The following AP2A2 variants were observed in gnomAD, a reference collection of about 807,000 sequenced individuals.
The protein encoded by AP2A2 is AP-2 complex subunit alpha-2.
A neutral mutation model predicts 104.2 loss-of-function variants in AP2A2; 32 were observed. That is an observed-to-expected ratio of 0.31 (90% CI 0.23 to 0.41). AP2A2 has a LOEUF of 0.41. Among genes scored for constraint, AP2A2 ranks in the 10% least tolerant of loss-of-function variants. AP2A2 has a pLI of 1.00. For synonymous variants in AP2A2, 539 were observed against 533.3 expected, an observed-to-expected ratio of 1.01 and a Z score of -0.15; for missense variants, 912 against 1,261.0, an observed-to-expected ratio of 0.72 and a Z score of 4.19.
chr11:951,908 C>T (rs1252014576), intron 1 of AP2A2, among the ~76,000 whole-genome samples: 1 of 138,290 alleles, frequency 7.2e-6, no homozygotes, highest in Non-Finnish European at 1.6e-5. Flanking sequence ...ACCTTGTTGC[C>T]TAGGCTGGAG....
chr11:995,621 C>T (rs924877875), intron 14 of AP2A2, among the ~76,000 whole-genome samples: 2 of 151,394 alleles, frequency 1.3e-5, no homozygotes, highest in African/African-American at 2.4e-5. Context: ...TGGCGGGGAC[C>T]TGCTTATGTG....
chr11:952,779 C>G (rs1854095331), intron 1 of AP2A2, among the ~76,000 whole-genome samples: 1 of 152,208 alleles, frequency 6.6e-6, no homozygotes, highest in South Asian at 2.1e-4. Flanking sequence ...TTTACCCTTT[C>G]AGAATTCAGC....
At chr11:971,601 G>A (rs7124480) in intron 3 of AP2A2, among the ~76,000 whole-genome samples, 71,002 of 151,836 alleles carry the variant, frequency 0.47, 17,774 homozygotes, top group Middle Eastern at 0.65. Context: ...GGAGGGGGGC[G>A]GCATGAGGCT....
intron 15 of AP2A2, among the ~76,000 whole-genome samples, chr11:1,002,278 C>CG (rs1856053470): frequency 1.3e-5 from 2 of 152,224 alleles, no homozygotes; most frequent in South Asian, 4.1e-4. Flanking sequence ...AGCAGCGACC[C>CG]GGGGGTGCGG....
chr11:979,946 A>G (rs1855185519), intron 5 of AP2A2, among the ~76,000 whole-genome samples: 1 of 152,244 alleles, frequency 6.6e-6, no homozygotes, highest in African/African-American at 2.4e-5. Flanking sequence ...AAAAAAATTT[A>G]TGGGAGAATG....
intron 9 of AP2A2, among the ~76,000 whole-genome samples, chr11:987,554 C>G (rs774188232): frequency 2.0e-5 from 3 of 151,938 alleles, no homozygotes; most frequent in Non-Finnish European, 2.9e-5. Flanking sequence ...ACTCAGGAGG[C>G]TCAGGCAGAA....
intron 1 of AP2A2, among the ~76,000 whole-genome samples, chr11:931,515 G>C (rs947600556): frequency 6.6e-6 from 1 of 152,146 alleles, no homozygotes; most frequent in Non-Finnish European, 1.5e-5. Flanking sequence ...TTTTGAGACC[G>C]GTCAGTTTGC....
rs1856321833 is a variant in AP2A2 at position 1,009,401 on chromosome 11, A to G, written c.2607+4A>G. The G allele has an allele frequency of 7.4e-6, 12 of 1,612,098 alleles. No homozygotes were observed. Among genetic ancestry groups the G allele is most frequent in the Non-Finnish European group, 1.0e-5 (12 of 1,178,878 alleles). ...CACAGAAGTCACCAAAGCCAAGGTA[A>G]CACGTCTGGAGGGACGGCCCCGGGG... On this transcript the variant is annotated splice_donor_region_variant and intron_variant, in intron 20 of 21. Transcript: ENST00000448903.
Position 993,936 on chromosome 11 carries a change from G to A in AP2A2, c.1733G>A (p.Arg578His), listed in dbSNP as rs1855752694. 1.9e-6 allele frequency: 3 copies of A among 1,612,408 alleles called. No individual in the cohort carries two copies. The highest frequency in any genetic ancestry group is 1.7e-6 in the Non-Finnish European group (2 of 1,179,802). Residue 578 changes from arginine to histidine, a missense_variant, in exon 13 of 22, where the codon CGT (arginine) becomes CAT (histidine). By Grantham distance (29) the Arg-to-His change is conservative. Around this residue, in one of 7 missense-constraint regions of AP2A2, gnomAD observed 137 missense variants for 186.9 expected, o/e 0.73. Transcript: ENST00000448903. The surrounding 1 kb of genome is among the most constrained non-coding windows in gnomAD (Gnocchi z 8.2). ...AACGCAGACGTGGAGCTGCAGCAGC[G>A]TGCTGTGGAGTACCTGCGGCTCAGC... ...LRNADVELQQ[R>H]AVEYLRLSTV...
At chr11:996,815 C>T (rs115218575) in intron 14 of AP2A2, among the ~76,000 whole-genome samples, 4,659 of 143,080 alleles carry the variant, frequency 0.033, 231 homozygotes, top group African/African-American at 0.11. Context: ...TGTCTGTGGC[C>T]GAGGCACGCA....
chr11:959,863 G>T (rs1205512644), intron 2 of AP2A2, among the ~76,000 whole-genome samples: 1 of 152,226 alleles, frequency 6.6e-6, no homozygotes, highest in Non-Finnish European at 1.5e-5. Context: ...CGGTCAACAG[G>T]GACCTGACCT....
At position 986,800 on chromosome 11, in the gene AP2A2, C is replaced by A; in HGVS notation, c.978C>A (p.Leu326=). 1 of 1,613,274 alleles carries A rather than the reference C, an allele frequency of 6.2e-7. No homozygotes were observed. The highest frequency in any genetic ancestry group is 8.5e-7 in the Non-Finnish European group (1 of 1,179,814). ...CTCCACACAGTGAGCCGAACCTGCT[C>A]GTCCGTGCCTGCAACCAGTTGGGCC... is the stretch of plus-strand genomic sequence containing the variant. The part of the protein sequence containing the change: ...IIHHDSEPNL[L]VRACNQLGQF... Residue 326 remains leucine, a synonymous_variant, in exon 9 of 22, where the codon CTC becomes CTA. Coordinates refer to ENST00000448903, the MANE Select transcript of AP2A2 (RefSeq NM_012305.4).
intron 14 of AP2A2, among the ~76,000 whole-genome samples, chr11:999,803 CTTTTTTTTTTT>C: frequency 8.0e-6 from 1 of 124,720 alleles, no homozygotes; most frequent in Non-Finnish European, 1.7e-5. Context: ...TTAGTTCTTT[CTTTTTTTTTTT>C]TTTTTTTGAG....
rs759722121 is a variant in AP2A2, at chr11:1,011,239, C to A, written c.*614C>A. The A allele has an allele frequency of 1.9e-6, 1 of 519,360 alleles. No individual in the cohort carries two copies. Among genetic ancestry groups the A allele is most frequent in the South Asian group, 1.4e-5 (1 of 71,596 alleles). 32.2% of individuals were successfully genotyped at this position (519,360 alleles called of 1,614,324 possible). ...GGCCGGATGTAACTGTTCTCCTTTC[C>A]CAGCTCCTGTTTGTGAAGGGCGTCT... On this transcript the variant is annotated 3_prime_UTR_variant, in exon 22 of 22. Coordinates refer to ENST00000448903, the MANE Select transcript of AP2A2 (RefSeq NM_012305.4).
chr11:936,848 G>A (rs1341130604), intron 1 of AP2A2, among the ~76,000 whole-genome samples: 1 of 152,012 alleles, frequency 6.6e-6, no homozygotes, highest in African/African-American at 2.4e-5. Flanking sequence ...CTGTAGTCTG[G>A]GGCTAGTTTT....
At chr11:991,677 G>A (rs1462538366) in intron 10 of AP2A2, among the ~76,000 whole-genome samples, 2 of 151,652 alleles carry the variant, frequency 1.3e-5, no homozygotes, top group African/African-American at 4.8e-5. Flanking sequence ...GTTGGGGTTT[G>A]GGGGTCCAGG....
At chr11:974,261 G>C (rs961428219) in intron 4 of AP2A2, among the ~76,000 whole-genome samples, 2 of 152,166 alleles carry the variant, frequency 1.3e-5, no homozygotes. Context: ...TGCCTGAGTG[G>C]TCCCATGGGG....
chr11:930,014 C>CG (rs1853237432), intron 1 of AP2A2, among the ~76,000 whole-genome samples: 1 of 149,412 alleles, frequency 6.7e-6, no homozygotes, highest in African/African-American at 2.5e-5. Context: ...CCAGCTACTC[C>CG]GGGGGCTGAG....
chr11:980,803 C>G (rs1297038222), intron 5 of AP2A2, among the ~76,000 whole-genome samples: 1 of 152,234 alleles, frequency 6.6e-6, no homozygotes, highest in Non-Finnish European at 1.5e-5. Flanking sequence ...GTAAAGGTAG[C>G]GTCTCCCTCT....
Sources: gnomAD v4.1 joint callset for allele counts (sites outside exome capture counted in the v4.1 genomes callset) on GRCh38, gnomAD v4.1.1 for gene constraint, gnomAD v4.1.1 regional missense constraint, Gnocchi (gnomAD v3.1) non-coding constraint, MANE v1.5 for transcripts, NCBI Gene and HGNC (gene_info 2026-07-23, HGNC 2026-07-21) for gene names.